The following DMD variants were observed in gnomAD, a reference collection of about 807,000 sequenced individuals.
DMD encodes the protein mutant dystrophin.
Under a neutral mutation model 330.1 loss-of-function variants are expected in DMD, and 63 were observed. The observed-to-expected ratio is 0.19, with a 90% confidence interval of 0.16 to 0.24. The LOEUF (loss-of-function observed/expected upper bound fraction) is 0.24, where lower values mean the gene tolerates loss of function less well. Among genes scored for constraint, DMD ranks in the 10% least tolerant of loss-of-function variants. The pLI is 1.00. For missense variants in DMD, 3,344 were observed against 2,684.1 expected (o/e 1.25, Z -5.43); for synonymous variants, 1,223 against 959.8 (o/e 1.27, Z -5.07).
At chrX:31,172,551 G>C in intron 72 of DMD, 138 bp from the exon 73 acceptor site, 1 of 546,872 alleles carries the variant, frequency 1.8e-6, no homozygotes, top group Non-Finnish European at 3.1e-6. Context: ...AAGGATGTGT[G>C]TGTTGGCTTA....
intron 1 of DMD, among the ~76,000 whole-genome samples, chrX:33,202,499 G>C (rs2051333845): frequency 8.9e-6 from 1 of 111,909 alleles, no homozygotes; most frequent in Non-Finnish European, 1.9e-5. Context: ...TTACAGGCTT[G>C]TTAAATGGTA....
At chrX:32,269,654 T>C (rs1456571349) in intron 43 of DMD, among the ~76,000 whole-genome samples, 1 of 111,650 alleles carries the variant, frequency 9.0e-6, no homozygotes, top group Non-Finnish European at 1.9e-5. Flanking sequence ...CATCACAATA[T>C]GAGTATTAGG....
At chrX:32,714,133 C>T (rs1030676464) in intron 7 of DMD, among the ~76,000 whole-genome samples, 3 of 111,571 alleles carry the variant, frequency 2.7e-5, no homozygotes, top group African/African-American at 6.5e-5. Flanking sequence ...ATTAGTCAAA[C>T]CATCTTAAGT....
chrX:32,796,129 C>G (rs1041669967), intron 7 of DMD, among the ~76,000 whole-genome samples: 1 of 111,139 alleles, frequency 9.0e-6, no homozygotes, highest in Non-Finnish European at 1.9e-5. Context: ...AAAGGGAAAG[C>G]AATCATATAC....
chrX:31,748,912 A>G (rs1489889956), intron 51 of DMD, among the ~76,000 whole-genome samples: 2 of 111,510 alleles, frequency 1.8e-5, no homozygotes, highest in Non-Finnish European at 3.8e-5. Context: ...TCTCTTTTAC[A>G]TCGTAACTAC....
intron 1 of DMD, among the ~76,000 whole-genome samples, chrX:33,248,176 C>G (rs930554507): frequency 9.1e-6 from 1 of 110,258 alleles, no homozygotes; most frequent in Non-Finnish European, 1.9e-5. Context: ...CCAGTAGCTG[C>G]GACTACAGGC....
intron 44 of DMD, among the ~76,000 whole-genome samples, chrX:32,072,535 A>G (rs1319310235): frequency 9.0e-6 from 1 of 111,527 alleles, no homozygotes; most frequent in East Asian, 2.8e-4. Flanking sequence ...TCAAGTACAG[A>G]TTGTAGTATC....
intron 37 of DMD, among the ~76,000 whole-genome samples, chrX:32,358,470 A>G (rs752117537): frequency 3.6e-5 from 4 of 111,418 alleles, no homozygotes; most frequent in Non-Finnish European, 7.5e-5. Flanking sequence ...GACTGTTGCA[A>G]TTCTGATCCT....
At chrX:31,467,102 A>G (rs1172639039) in intron 59 of DMD, among the ~76,000 whole-genome samples, 2 of 111,974 alleles carry the variant, frequency 1.8e-5, no homozygotes, top group Non-Finnish European at 3.8e-5. Flanking sequence ...CAATCATGTC[A>G]GCTGCAAACA....
chrX:32,344,692 T>C (rs1269713287), intron 39 of DMD, among the ~76,000 whole-genome samples: 2 of 111,257 alleles, frequency 1.8e-5, no homozygotes, highest in Non-Finnish European at 3.8e-5. Flanking sequence ...CACAAAGTGA[T>C]GTATAATATG....
intron 4 of DMD, among the ~76,000 whole-genome samples, chrX:32,823,815 C>T (rs1306548028): frequency 2.7e-5 from 3 of 111,445 alleles, no homozygotes; most frequent in Non-Finnish European, 5.7e-5. Context: ...TGTTAGGTCT[C>T]TAATAAACAA....
At chrX:32,152,467 TAG>T (rs1289540284) in intron 44 of DMD, among the ~76,000 whole-genome samples, 1 of 111,538 alleles carries the variant, frequency 9.0e-6, no homozygotes, top group Non-Finnish European at 1.9e-5. Flanking sequence ...ATTAGATTTT[TAG>T]AGAGAGTAAA....
At chrX:32,104,304 C>T (rs1161619614) in intron 44 of DMD, among the ~76,000 whole-genome samples, 1 of 111,761 alleles carries the variant, frequency 8.9e-6, no homozygotes, top group Non-Finnish European at 1.9e-5. Flanking sequence ...AGGTGCTTTG[C>T]TACTTCACAG....
At chrX:32,667,132 C>G (rs1488891712) in intron 9 of DMD, among the ~76,000 whole-genome samples, 3 of 111,243 alleles carry the variant, frequency 2.7e-5, no homozygotes, top group East Asian at 2.8e-4. Context: ...CATGGATGAG[C>G]CTAGAATACA....
At chrX:31,354,301 A>C (rs935684106) in intron 60 of DMD, among the ~76,000 whole-genome samples, 3 of 111,612 alleles carry the variant, frequency 2.7e-5, no homozygotes, top group African/African-American at 3.2e-5. Flanking sequence ...ATTAACAACT[A>C]TATTTTGAAT....
chrX:32,573,329 C>T (rs1374886350), intron 15 of DMD, among the ~76,000 whole-genome samples: 1 of 111,723 alleles, frequency 9.0e-6, no homozygotes, highest in African/African-American at 3.3e-5. Flanking sequence ...AAGAGTACAA[C>T]TTTGAAAAAC....
rs1198059385 is a variant in DMD at position 31,121,725 on chromosome X, T to TA, written c.*193dup. ...ACTGAAATCTACAGTATAATACCAC[T>TA]ACCCTTCACAAAAATATAGATTTAT... On this transcript the variant is annotated 3_prime_UTR_variant, in exon 79 of 79. Transcript: ENST00000357033. 5 of 605,085 alleles carry TA rather than the reference T, an allele frequency of 8.3e-6. No homozygotes were observed. The African/African-American group carries it at 1.1e-4, about 13-fold the overall frequency. The allele number at this position is 605,085 out of a possible 1,213,427, so 49.9% of individuals were successfully genotyped here.
chrX:32,080,325 C>A (rs1184775996), intron 44 of DMD, among the ~76,000 whole-genome samples: 1 of 112,190 alleles, frequency 8.9e-6, no homozygotes, highest in South Asian at 3.7e-4. Context: ...GGTTTGTCAG[C>A]ATTTCCATTA....
intron 4 of DMD, among the ~76,000 whole-genome samples, chrX:32,839,986 G>A (rs1489162303): frequency 8.9e-6 from 1 of 111,754 alleles, no homozygotes; most frequent in Non-Finnish European, 1.9e-5. Context: ...TGGTATTACA[G>A]GCATGAGCCA....
Sources: gnomAD v4.1 joint callset for allele counts (sites outside exome capture counted in the v4.1 genomes callset) on GRCh38, gnomAD v4.1.1 for gene constraint, MANE v1.5 for transcripts, NCBI Gene and HGNC (gene_info 2026-07-23, HGNC 2026-07-21) for gene names.